The following KIF5B variants were observed in gnomAD, a reference collection of about 807,000 sequenced individuals.
The protein encoded by KIF5B is kinesin family member 5B.
KIF5B carries 49 observed loss-of-function variants against 132.8 expected under a neutral mutation model. The ratio of observed to expected loss-of-function variants is 0.37; its 90% CI spans 0.29 to 0.47. The LOEUF (loss-of-function observed/expected upper bound fraction) is 0.47. Ranked by LOEUF, KIF5B falls within the 20% of genes least tolerant of loss-of-function variation. The pLI is 1.00. For synonymous variants in KIF5B, 355 were observed against 369.4 expected, an observed-to-expected ratio of 0.96 and a Z score of 0.45; for missense variants, 780 against 1,144.0, an observed-to-expected ratio of 0.68 and a Z score of 4.59.
At chr10:32,050,156 C>A (rs924885706) in intron 1 of KIF5B, among the ~76,000 whole-genome samples, 1 of 152,300 alleles carries the variant, frequency 6.6e-6, no homozygotes, top group African/African-American at 2.4e-5. Flanking sequence ...TTAGAAAACA[C>A]TTCCTAAGTC....
chr10:32,026,298 C>T (rs901452976), intron 15 of KIF5B, among the ~76,000 whole-genome samples: 6 of 151,782 alleles, frequency 4.0e-5, no homozygotes, highest in African/African-American at 9.7e-5. Context: ...ATTATCCAGG[C>T]GTGGTGGCAC....
Position 32,035,872 on chromosome 10 carries a change from G to T in KIF5B, c.816+18C>A, listed in dbSNP as rs763750316. On this transcript the variant is annotated intron_variant, in intron 9 of 25. Transcript: ENST00000302418. ...TGCCCCATAAGGTAACAGGGAGATA[G>T]AAGACATGTATACTCACACTACCCT... The T allele has an allele frequency of 1.3e-6, 2 of 1,578,190 alleles. No individual in the cohort carries two copies. Among genetic ancestry groups the T allele is most frequent in the South Asian group, 2.3e-5 (2 of 88,388 alleles).
intron 2 of KIF5B, among the ~76,000 whole-genome samples, chr10:32,043,246 G>A (rs575242009): frequency 3.9e-5 from 6 of 152,198 alleles, no homozygotes; most frequent in Non-Finnish European, 7.4e-5. Context: ...CAGGAGATTC[G>A]CCCACTTCGG....
chr10:32,042,982 C>T (rs1460964411), intron 2 of KIF5B, among the ~76,000 whole-genome samples: 2 of 151,968 alleles, frequency 1.3e-5, no homozygotes, highest in Non-Finnish European at 1.5e-5. Context: ...ACCCCGTGCA[C>T]GGTACTATTA....
Position 32,040,410 on chromosome 10 carries a change from A to T in KIF5B, c.262T>A (p.Ser88Thr). Residue 88 changes from serine (S) to threonine (T), a missense_variant, in exon 3 of 26, where the codon TCC (serine) becomes ACC (threonine). By Grantham distance (58) the Ser-to-Thr change is moderately conservative (BLOSUM62 1). Transcript: ENST00000302418. ...NGTIFAYGQT[S>T]SGKTHTMEGK... ...TCCATTGTGTGTGTCTTCCCAGAGG[A>T]TGTTTGTCCATATGCAAATATTGTT... is the stretch of plus-strand genomic sequence containing the variant. 6.2e-7 allele frequency: 1 copy of T among 1,600,954 alleles called. No individual in the cohort carries two copies. The highest frequency in any genetic ancestry group is 1.3e-5 in the African/African-American group (1 of 74,768).
chr10:32,054,362 G>T (rs1477631992), intron 1 of KIF5B, among the ~76,000 whole-genome samples: 1 of 152,208 alleles, frequency 6.6e-6, no homozygotes, highest in East Asian at 1.9e-4. Flanking sequence ...TTTTCTAGTG[G>T]ACTTGTTAAC....
At position 32,033,934 on chromosome 10, in the gene KIF5B, C is replaced by A. The variant is rs377656602; in HGVS notation, c.1216G>T (p.Ala406Ser). Residue 406 changes from alanine to serine, a missense_variant, in exon 12 of 26, where the codon GCA becomes TCA. Physicochemically the swap from Ala to Ser is moderately conservative, Grantham distance 99 (BLOSUM62 1). Coordinates refer to ENST00000302418, the MANE Select transcript of KIF5B (RefSeq NM_004521.3). ...GTAAAATTTCCTATAACTCCAATTG[C>A]GGTTGCTGGTTTATCATTGGTAAGA... ...ITLTNDKPAT[A>S]IGVIGNFTDA... 2 of 1,612,292 alleles carry A rather than the reference C, an allele frequency of 1.2e-6. No homozygotes were observed. Among genetic ancestry groups the A allele is most frequent in the East Asian group, 2.2e-5 (1 of 44,828 alleles).
Position 32,056,213 on chromosome 10 carries a change from G to A in KIF5B, c.-240C>T, listed in dbSNP as rs1841761875. On this transcript the variant is annotated 5_prime_UTR_variant, in exon 1 of 26. Transcript: ENST00000302418. The stretch of plus-strand genomic sequence containing the variant: ...TCATGGCAGCCATGGCGGCGGCAGC[G>A]GCGGCGGCACCGGGGAGAGCGTCCG... The A allele has an allele frequency of 2.0e-6, 1 of 490,678 alleles. No homozygotes were observed. The allele number at this position is 490,678 out of a possible 1,614,324, so 30.4% of individuals were successfully genotyped here. A position where few individuals can be genotyped will look rare whatever the true frequency, so the allele number is the denominator to read the frequency against.
chr10:32,036,112 G>C (rs1236492080), intron 8 of KIF5B, 118 bp from the exon 9 acceptor site: 1 of 569,860 alleles, frequency 1.8e-6, no homozygotes, highest in Admixed American at 3.6e-5. Context: ...AACATGAAAA[G>C]CTTCATGATC....
At chr10:32,050,809 A>G (rs1212962875) in intron 1 of KIF5B, among the ~76,000 whole-genome samples, 2 of 152,242 alleles carry the variant, frequency 1.3e-5, no homozygotes, top group Non-Finnish European at 2.9e-5. Context: ...AGGTGTGACT[A>G]AAAGAAATCT....
intron 1 of KIF5B, among the ~76,000 whole-genome samples, chr10:32,054,614 C>T (rs1841730535): frequency 6.6e-6 from 1 of 152,186 alleles, no homozygotes; most frequent in African/African-American, 2.4e-5. Context: ...AGCCCCAATA[C>T]AGTATTAACT....
chr10:32,012,372 G>T (rs887099169), intron 25 of KIF5B, among the ~76,000 whole-genome samples: 3 of 152,202 alleles, frequency 2.0e-5, no homozygotes, highest in Admixed American at 6.5e-5. Context: ...CTACTCGGGA[G>T]GGTGAGGCAG....
intron 24 of KIF5B, 47 bp from the exon 25 acceptor site, chr10:32,015,706 G>A (rs766966738): frequency 8.3e-6 from 12 of 1,438,774 alleles, no homozygotes; most frequent in Non-Finnish European, 1.2e-5. Context: ...TTTAAGATGT[G>A]ACTGCAATGA....
chr10:32,053,953 C>G (rs865779697), intron 1 of KIF5B, among the ~76,000 whole-genome samples: 16 of 152,244 alleles, frequency 1.1e-4, no homozygotes, highest in African/African-American at 3.4e-4. Context: ...TTCCTTTGTT[C>G]ATTTTCCTTT....
At chr10:32,048,960 C>G (rs1469478589) in intron 1 of KIF5B, among the ~76,000 whole-genome samples, 1 of 152,102 alleles carries the variant, frequency 6.6e-6, no homozygotes, top group East Asian at 1.9e-4. Context: ...CCTCAACCTC[C>G]TGGGCTCAAG....
At position 32,023,091 on chromosome 10, in the gene KIF5B, T is replaced by C. The variant is rs374167693; in HGVS notation, c.1726-55A>G. 1.2e-5 allele frequency: 12 copies of C among 978,916 alleles called. No individual in the cohort carries two copies. The East Asian group carries it at 2.9e-4, about 23-fold the overall frequency. 60.6% of individuals were successfully genotyped at this position (978,916 alleles called of 1,614,324 possible). ...AAGCCAAAAATGTTCAATGTGTGTT[T>C]TCCCAATTAGGCTATAAAATCTTTT... On this transcript the variant is annotated intron_variant, in intron 15 of 25. Transcript: ENST00000302418.
At chr10:32,015,400 A>T in intron 25 of KIF5B, 109 bp downstream of exon 25, 2 of 764,778 alleles carry the variant, frequency 2.6e-6, no homozygotes, top group Non-Finnish European at 4.2e-6. Flanking sequence ...TATAATGCTT[A>T]AGTTAAAAAA....
chr10:32,015,735 T>A (rs1841150496), intron 24 of KIF5B, 76 bp from the exon 25 acceptor site: 1 of 1,223,846 alleles, frequency 8.2e-7, no homozygotes, highest in East Asian at 2.6e-5. Flanking sequence ...GTTTCTTCTC[T>A]TATTCACAAC....
rs952453502 is a variant in KIF5B, at chr10:32,052,603, T to C, written c.126+3245A>G. 3.3e-5 allele frequency among the ~76,000 whole-genome samples: 5 copies of C among 152,326 alleles called. No individual in the cohort carries two copies. In the South Asian group the frequency reaches 8.3e-4, roughly 25 times the overall value. ...TTTTATTGATTTTTCTTCCTGGTGT[T>C]TTTAGCAAGCTCCTAATTTTTTCTA... On this transcript the variant is annotated intron_variant, in intron 1 of 25. Coordinates refer to ENST00000302418, the MANE Select transcript of KIF5B (RefSeq NM_004521.3).
Sources: allele counts gnomAD v4.1 joint callset (sites outside exome capture counted in the v4.1 genomes callset), GRCh38; gene constraint gnomAD v4.1.1; transcripts MANE v1.5; gene names NCBI Gene and HGNC (gene_info 2026-07-23, HGNC 2026-07-21).